The following HS3ST5 variants were observed in gnomAD, a reference collection of about 807,000 sequenced individuals.
The protein encoded by HS3ST5 is heparan sulfate-glucosamine 3-sulfotransferase 5, also known as heparan sulfate glucosamine 3-O-sulfotransferase 5.
In HS3ST5, 10 loss-of-function variants were observed where a neutral mutation model predicts 25.4. The ratio of observed to expected loss-of-function variants is 0.39; its 90% CI spans 0.24 to 0.67. The LOEUF (loss-of-function observed/expected upper bound fraction) is 0.67. HS3ST5 is among the 30% of genes least tolerant of loss of function. The pLI is 0.44. For missense variants in HS3ST5, 324 were observed against 420.7 expected, an observed-to-expected ratio of 0.77 and a Z score of 2.01; for synonymous variants, 170 against 162.4, an observed-to-expected ratio of 1.05 and a Z score of -0.36.
At chr6:114,161,523 A>ATT (rs1778952056) in intron 3 of HS3ST5, among the ~76,000 whole-genome samples, 1 of 13,918 alleles carries the variant, frequency 7.2e-5, no homozygotes, top group African/African-American at 4.5e-4. Flanking sequence ...CTGAAGTTTT[A>ATT]TATATATATA....
chr6:114,201,839 C>T (rs979277136), intron 2 of HS3ST5, among the ~76,000 whole-genome samples: 1 of 152,132 alleles, frequency 6.6e-6, no homozygotes, highest in African/African-American at 2.4e-5. Context: ...GGGAAGCAAA[C>T]ATGTCCTTCT....
At chr6:114,088,990 C>A (rs948428928) in intron 3 of HS3ST5, 1 of 152,142 alleles carries the variant, frequency 6.6e-6, no homozygotes, top group Non-Finnish European at 1.5e-5. Context: ...TAGGAAGGCA[C>A]GTGAGAAGTA....
At position 114,305,211 on chromosome 6, in the gene HS3ST5, T is replaced by C. The variant is rs1392535972; in HGVS notation, c.-339+36984A>G. On this transcript the variant is annotated intron_variant, in intron 1 of 4. Transcript: ENST00000312719. ...TGTCATTATTTAAAAATCATATTCA[T>C]TAATATCACCACCCACCTCATCAGG... is the stretch of plus-strand genomic sequence containing the variant. Among the ~76,000 whole-genome samples, 3 of 152,246 alleles carry C rather than the reference T, an allele frequency of 2.0e-5. No individual in the cohort carries two copies. The East Asian group carries it at 5.8e-4, about 29-fold the overall frequency.
chr6:114,325,487 A>G (rs1189799876), intron 1 of HS3ST5, among the ~76,000 whole-genome samples: 1 of 152,142 alleles, frequency 6.6e-6, no homozygotes, highest in Non-Finnish European at 1.5e-5. Flanking sequence ...AGAAAGATAG[A>G]TTTGGGATAT....
chr6:114,341,222 G>GGGGAGAGAGAGAGAGAGAGA (rs1776839835), intron 1 of HS3ST5, among the ~76,000 whole-genome samples: 1 of 46,598 alleles, frequency 2.1e-5, no homozygotes, highest in African/African-American at 1.2e-4. Context: ...GGAGAGAGGG[G>GGGGAGAGAGAGAGAGAGAGA]GAGAGAGAGA....
chr6:114,285,177 A>G (rs1432592981), intron 1 of HS3ST5, among the ~76,000 whole-genome samples: 1 of 152,080 alleles, frequency 6.6e-6, no homozygotes, highest in African/African-American at 2.4e-5. Context: ...ACTGTCGTCA[A>G]CAAATGAATG....
intron 2 of HS3ST5, among the ~76,000 whole-genome samples, chr6:114,175,806 C>A (rs1337638928): frequency 6.6e-6 from 1 of 152,212 alleles, no homozygotes; most frequent in Admixed American, 6.5e-5. Context: ...ACATAAATTA[C>A]TTAATACAAC....
intron 3 of HS3ST5, among the ~76,000 whole-genome samples, chr6:114,104,094 T>A (rs568038333): frequency 1.5e-4 from 23 of 151,812 alleles, no homozygotes; most frequent in African/African-American, 2.7e-4. Flanking sequence ...GCTAGACTTT[T>A]AAAAAAAATG....
At chr6:114,267,355 A>T (rs1773450133) in intron 1 of HS3ST5, among the ~76,000 whole-genome samples, 1 of 152,178 alleles carries the variant, frequency 6.6e-6, no homozygotes, top group South Asian at 2.1e-4. Flanking sequence ...CCATGACAAG[A>T]AGCACCAATA....
intron 2 of HS3ST5, among the ~76,000 whole-genome samples, chr6:114,202,084 C>T (rs1781042549): frequency 6.6e-6 from 1 of 151,960 alleles, no homozygotes. Flanking sequence ...GCTATCTTGA[C>T]CACCCTATTT....
intron 1 of HS3ST5, among the ~76,000 whole-genome samples, chr6:114,284,741 C>T (rs1774263570): frequency 6.6e-6 from 1 of 151,850 alleles, no homozygotes; most frequent in South Asian, 2.1e-4. Flanking sequence ...AAAAGTGAAT[C>T]TCCAAGCTGC....
Position 114,131,433 on chromosome 6 carries a change from CT to C in HS3ST5, c.-33+36917del, listed in dbSNP as rs547904323. On this transcript the variant is annotated intron_variant, in intron 3 of 4. Coordinates refer to ENST00000312719, the MANE Select transcript of HS3ST5 (RefSeq NM_153612.4). ...GTAAAAAACTGCAAAGTATTTCCTC[CT>C]TTTGACAATAGTTTTTCACAGTGTA... 3.1e-3 allele frequency among the ~76,000 whole-genome samples: 470 copies of C among 152,090 alleles called. 2 individuals carry two copies. Among genetic ancestry groups the C allele is most frequent in the African/African-American group, 0.011 (451 of 41,500 alleles).
chr6:114,124,701 A>G (rs1776955970), intron 3 of HS3ST5, among the ~76,000 whole-genome samples: 1 of 151,934 alleles, frequency 6.6e-6, no homozygotes, highest in Non-Finnish European at 1.5e-5. Flanking sequence ...GAAAAAAAAT[A>G]CACAAAGGAT....
At chr6:114,116,057 C>T (rs1776514471) in intron 3 of HS3ST5, 1 of 152,002 alleles carries the variant, frequency 6.6e-6, no homozygotes, top group Non-Finnish European at 1.5e-5. Context: ...AGAAAAGGCA[C>T]TGCTTGAAGT....
chr6:114,269,024 C>T (rs1003003361), intron 1 of HS3ST5, among the ~76,000 whole-genome samples: 40 of 152,322 alleles, frequency 2.6e-4, no homozygotes, highest in African/African-American at 9.4e-4. Flanking sequence ...CCTTCCAACA[C>T]TTAACATTTT....
intron 1 of HS3ST5, among the ~76,000 whole-genome samples, chr6:114,256,251 G>A (rs1411078102): frequency 2.0e-5 from 3 of 151,986 alleles, no homozygotes; most frequent in Non-Finnish European, 2.9e-5. Flanking sequence ...AGCTGGGCGT[G>A]GTGGTGGGCG....
At chr6:114,244,309 T>C (rs73542316) in intron 1 of HS3ST5, among the ~76,000 whole-genome samples, 1,986 of 152,288 alleles carry the variant, frequency 0.013, 34 homozygotes, top group African/African-American at 0.046. Flanking sequence ...TAATATGGAA[T>C]GAAGTGATGG....
In HS3ST5 at chr6:114,057,060, C is replaced by G. The variant is rs756053330; in HGVS notation, c.*197G>C. ...AAATAGCTTAAAAGATGCGACTATG[C>G]AGACAGCAATTTTTTTTTTTTCGTA... is the stretch of plus-strand genomic sequence containing the variant. On this transcript the variant is annotated 3_prime_UTR_variant, in exon 5 of 5. Transcript: ENST00000312719. 1 of 513,962 alleles carries G rather than the reference C, an allele frequency of 1.9e-6. No homozygotes were observed. Among genetic ancestry groups the G allele is most frequent in the African/African-American group, 1.9e-5 (1 of 52,326 alleles). 31.8% of individuals were successfully genotyped at this position (513,962 alleles called of 1,614,324 possible).
intron 1 of HS3ST5, among the ~76,000 whole-genome samples, chr6:114,332,168 T>C (rs764243214): frequency 2.0e-5 from 3 of 152,106 alleles, no homozygotes; most frequent in Admixed American, 6.6e-5. Flanking sequence ...ATTATTATAA[T>C]CATATTGACA....
Sources: allele counts gnomAD v4.1 joint callset (sites outside exome capture counted in the v4.1 genomes callset), GRCh38; gene constraint gnomAD v4.1.1; transcripts MANE v1.5; gene names NCBI Gene and HGNC (gene_info 2026-07-23, HGNC 2026-07-21).